IL1RL1: variants seen among roughly 807,000 people sequenced by gnomAD.
The protein encoded by IL1RL1 is interleukin-1 receptor-like 1.
Under a neutral mutation model 50.9 loss-of-function variants are expected in IL1RL1, and 32 were observed. That is an observed-to-expected ratio of 0.63 (90% confidence interval 0.47 to 0.84). The LOEUF (loss-of-function observed/expected upper bound fraction) is 0.84. Among genes scored for constraint, IL1RL1 ranks in the 40% least tolerant of loss-of-function variants. IL1RL1 has a pLI of 0.00. For synonymous variants in IL1RL1, 275 were observed against 236.0 expected (o/e 1.17, Z -1.51); for missense variants, 773 against 662.9 (o/e 1.17, Z -1.82).
At position 102,347,988 on chromosome 2, in the gene IL1RL1, AT is replaced by A; in HGVS notation, c.1019del (p.Leu340Ter). 1 of 1,576,250 alleles carries A rather than the reference AT, an allele frequency of 6.3e-7. No homozygotes were observed. Among genetic ancestry groups the A allele is most frequent in the South Asian group, 1.1e-5 (1 of 90,294 alleles). ...ACTGCATAATTGCAGTATGTAGTGT[AT>A]TTTTAATGCTAATCAATGTCCTGGT... is the stretch of plus-strand genomic sequence containing the variant. Reference protein sequence around the residue: ...IYCIIAVCSVFLMLINVLVII... With the variant: ...IYCIIAVCSVXLMLINVLVII... On this transcript the variant is annotated frameshift_variant, in exon 9 of 11. Transcript: ENST00000233954. LOFTEE classifies it high-confidence loss of function.
chr2:102,326,439 A>G (rs2104969741), intron 1 of IL1RL1, among the ~76,000 whole-genome samples: 1 of 152,254 alleles, frequency 6.6e-6, no homozygotes, highest in East Asian at 1.9e-4. Context: ...AAGAAAATGC[A>G]TCAACTAACG....
At chr2:102,341,569 G>A (rs1677565952) in intron 5 of IL1RL1, among the ~76,000 whole-genome samples, 2 of 152,098 alleles carry the variant, frequency 1.3e-5, no homozygotes, top group South Asian at 4.1e-4. Flanking sequence ...AATTTTTGGA[G>A]TTTTTCAATA....
intron 1 of IL1RL1, among the ~76,000 whole-genome samples, chr2:102,325,691 A>G (rs556346563): frequency 6.6e-6 from 1 of 152,342 alleles, no homozygotes; most frequent in East Asian, 1.9e-4. Flanking sequence ...TGGCACGAGA[A>G]CTACGTGATG....
At chr2:102,347,051 T>C (rs1677805026) in intron 8 of IL1RL1, among the ~76,000 whole-genome samples, 1 of 152,184 alleles carries the variant, frequency 6.6e-6, no homozygotes, top group Admixed American at 6.5e-5. Context: ...ACCTAGAACT[T>C]AGTAATTTGA....
chr2:102,352,166 C>G, downstream of IL1RL1: 1 of 458,134 alleles, frequency 2.2e-6, no homozygotes, highest in South Asian at 3.6e-5. Flanking sequence ...TTTTGCTTGC[C>G]TGTCTTCACT....
intron 1 of IL1RL1, among the ~76,000 whole-genome samples, chr2:102,327,258 G>A (rs1403644393): frequency 2.0e-5 from 3 of 151,764 alleles, no homozygotes; most frequent in Non-Finnish European, 4.4e-5. Flanking sequence ...ATGACTACTG[G>A]GTACATAACG....
chr2:102,351,985 A>C lies in IL1RL1; in HGVS notation c.*64A>C. The C allele has an allele frequency of 6.8e-7, 1 of 1,470,176 alleles. No individual in the cohort carries two copies. The allele number at this position is 1,470,176 out of a possible 1,614,324, so 91.1% of individuals were successfully genotyped here. On this transcript the variant is annotated 3_prime_UTR_variant, in exon 11 of 11. Transcript: ENST00000233954. ...TTTCCTGACTTCTCCTAGCTGGCTTATGCCCCTGCACTGAAGTGTGAGGAG... is the reference window on the plus strand; with the variant it reads ...TTTCCTGACTTCTCCTAGCTGGCTTCTGCCCCTGCACTGAAGTGTGAGGAG...
At position 102,349,131 on chromosome 2, in the gene IL1RL1, T is replaced by C. The variant is rs1229510770; in HGVS notation, c.1170T>C (p.Ser390=). Residue 390 remains serine (S), a synonymous_variant, in exon 10 of 11, where the codon AGT becomes AGC. Transcript: ENST00000233954. ...YVVYPRNYKS[S]TDGASRVEHF... ...TCTACCCACGGAACTACAAATCCAG[T>C]ACAGATGGGGCCAGTCGTGTAGAGC... is the stretch of plus-strand genomic sequence containing the variant. The C allele has an allele frequency of 6.2e-7, 1 of 1,613,634 alleles. No individual in the cohort carries two copies. The highest frequency in any genetic ancestry group is 1.1e-5 in the South Asian group (1 of 91,074).
intron 1 of IL1RL1, among the ~76,000 whole-genome samples, chr2:102,314,334 A>G (rs2104957417): frequency 6.6e-6 from 1 of 152,370 alleles, no homozygotes; most frequent in East Asian, 1.9e-4. Flanking sequence ...GGCCCCCTAC[A>G]GCAAGACTAA....
At chr2:102,335,378 G>A (rs1677291682) in intron 1 of IL1RL1, among the ~76,000 whole-genome samples, 1 of 117,458 alleles carries the variant, frequency 8.5e-6, no homozygotes, top group East Asian at 2.6e-4. Flanking sequence ...TTTTTTAGTT[G>A]ACATTGGGGG....
At chr2:102,317,420 T>A (rs1457436094) in intron 1 of IL1RL1, among the ~76,000 whole-genome samples, 1 of 152,182 alleles carries the variant, frequency 6.6e-6, no homozygotes, top group African/African-American at 2.4e-5. Context: ...TATTACACTG[T>A]TACAGATAGT....
chr2:102,329,687 C>T (rs1677118276), intron 1 of IL1RL1, among the ~76,000 whole-genome samples: 1 of 152,166 alleles, frequency 6.6e-6, no homozygotes, highest in Admixed American at 6.5e-5. Flanking sequence ...AGGATATGAA[C>T]AGACACTTCT....
intron 1 of IL1RL1, among the ~76,000 whole-genome samples, chr2:102,324,496 TAGTGGGTGCAGGAC>T (rs1676932547): frequency 6.6e-6 from 1 of 152,210 alleles, no homozygotes; most frequent in South Asian, 2.1e-4. Flanking sequence ...GCGTGTCGGA[TAGTGGGTGCAGGAC>T]AGTGGGTGCA....
chr2:102,343,393 A>T lies in IL1RL1; in HGVS notation c.948A>T (p.Val316=). Residue 316 remains valine (V), a synonymous_variant, in exon 8 of 11, where the codon GTA becomes GTT. Transcript: ENST00000233954. The part of the protein sequence containing the change: ...LNLHGLRRHT[V]RLSRKNPIDH... ...TGCATGGCTTGAGAAGGCACACCGT[A>T]AGACTAAGTAGGAAAAATCCAAGTA... 1 of 1,614,228 alleles carries T rather than the reference A, an allele frequency of 6.2e-7. No individual in the cohort carries two copies.
intron 10 of IL1RL1, among the ~76,000 whole-genome samples, 174 bp from the exon 11 acceptor site, chr2:102,351,362 C>T (rs902222347): frequency 6.6e-6 from 1 of 152,084 alleles, no homozygotes; most frequent in Non-Finnish European, 1.5e-5. Flanking sequence ...ATGAAAGGAA[C>T]ACAAAGAACA....
chr2:102,330,042 A>G (rs1677128934), intron 1 of IL1RL1, among the ~76,000 whole-genome samples: 1 of 152,230 alleles, frequency 6.6e-6, no homozygotes, highest in East Asian at 1.9e-4. Flanking sequence ...ATGCATATAT[A>G]TGTTTATAGC....
At chr2:102,345,657 G>C (rs983085726) in intron 8 of IL1RL1, 2 of 985,236 alleles carry the variant, frequency 2.0e-6, no homozygotes, top group African/African-American at 3.5e-5. Context: ...GGTTTTTCTT[G>C]TTTTAATTTT....
intron 9 of IL1RL1, among the ~76,000 whole-genome samples, chr2:102,348,575 T>G (rs903743846): frequency 2.6e-5 from 4 of 152,228 alleles, no homozygotes; most frequent in Non-Finnish European, 4.4e-5. Flanking sequence ...GCCTGCTAGA[T>G]GCAAACTTCA....
At chr2:102,329,366 G>T in intron 1 of IL1RL1, among the ~76,000 whole-genome samples, 1 of 152,128 alleles carries the variant, frequency 6.6e-6, no homozygotes. Flanking sequence ...TGAAATTTTA[G>T]ACCTAAAACC....
Sources: allele counts gnomAD v4.1 joint callset (sites outside exome capture counted in the v4.1 genomes callset), GRCh38; gene constraint gnomAD v4.1.1; transcripts MANE v1.5; gene names NCBI Gene and HGNC (gene_info 2026-07-23, HGNC 2026-07-21).